AUTS2: variants seen among roughly 807,000 people sequenced by gnomAD.
The protein encoded by AUTS2 is activator of transcription and developmental regulator AUTS2.
AUTS2 carries 17 observed loss-of-function variants against 112.4 expected under a neutral mutation model. The ratio of observed to expected loss-of-function variants is 0.15; its 90% CI spans 0.10 to 0.23. The LOEUF is 0.23. Ranked by LOEUF, AUTS2 falls within the 10% of genes least tolerant of loss-of-function variation. AUTS2 has a pLI of 1.00. For missense variants in AUTS2, 1,510 were observed against 1,701.6 expected, an observed-to-expected ratio of 0.89 and a Z score of 1.98; for synonymous variants, 751 against 702.7, an observed-to-expected ratio of 1.07 and a Z score of -1.09.
chr7:70,106,646 G>T (rs1804781778), intron 2 of AUTS2, among the ~76,000 whole-genome samples: 1 of 152,140 alleles, frequency 6.6e-6, no homozygotes, highest in African/African-American at 2.4e-5. Flanking sequence ...CTTTAGCCCA[G>T]GAGTTCAAGG....
intron 4 of AUTS2, among the ~76,000 whole-genome samples, chr7:70,260,097 G>A (rs531152978): frequency 6.6e-5 from 10 of 152,116 alleles, no homozygotes; most frequent in Admixed American, 6.5e-5. Flanking sequence ...CAGGCGCGGT[G>A]GCTCACACCT....
intron 1 of AUTS2, among the ~76,000 whole-genome samples, chr7:69,792,944 C>A (rs910284977): frequency 1.6e-4 from 24 of 152,208 alleles, no homozygotes; most frequent in African/African-American, 5.3e-4. Context: ...TTCTCAGGGG[C>A]CGGGCTATTC....
intron 1 of AUTS2, among the ~76,000 whole-genome samples, chr7:69,725,165 G>C (rs1786446372): frequency 6.6e-6 from 1 of 152,244 alleles, no homozygotes; most frequent in East Asian, 1.9e-4. Flanking sequence ...CTTTGCTTTA[G>C]GGGAAAGGAG....
At chr7:70,476,572 A>G (rs1299954395) in intron 5 of AUTS2, among the ~76,000 whole-genome samples, 5 of 152,190 alleles carry the variant, frequency 3.3e-5, no homozygotes, top group African/African-American at 1.2e-4. Context: ...GCATAAAAGT[A>G]TGTGTATGTT....
chr7:69,763,565 C>T (rs754756929), intron 1 of AUTS2, among the ~76,000 whole-genome samples: 2 of 152,226 alleles, frequency 1.3e-5, no homozygotes, highest in African/African-American at 2.4e-5. Context: ...CATTAGATTT[C>T]AGGCAGACTA....
intron 1 of AUTS2, among the ~76,000 whole-genome samples, chr7:69,636,480 G>GCC (rs10652609): frequency 0.044 from 706 of 16,040 alleles, 98 homozygotes; most frequent in East Asian, 0.16. Context: ...AGTGATCCGC[G>GCC]CCCCCCCCCC....
intron 6 of AUTS2, among the ~76,000 whole-genome samples, chr7:70,741,017 C>G (rs1235684833): frequency 1.3e-5 from 2 of 151,702 alleles, no homozygotes; most frequent in Admixed American, 1.3e-4. Flanking sequence ...TTGCTTGAAC[C>G]TAGGAGGTGG....
intron 2 of AUTS2, among the ~76,000 whole-genome samples, chr7:70,046,440 A>G (rs1460675956): frequency 6.6e-6 from 1 of 152,210 alleles, no homozygotes; most frequent in Non-Finnish European, 1.5e-5. Context: ...TATTATAGTG[A>G]TAGATGTTAT....
At chr7:70,087,347 T>C (rs1359872091) in intron 2 of AUTS2, among the ~76,000 whole-genome samples, 1 of 151,318 alleles carries the variant, frequency 6.6e-6, no homozygotes, top group African/African-American at 2.4e-5. Flanking sequence ...ATAGTTGAAC[T>C]TAATTAGCCT....
intron 2 of AUTS2, among the ~76,000 whole-genome samples, chr7:69,939,109 A>G (rs1179538380): frequency 1.3e-5 from 2 of 152,192 alleles, no homozygotes; most frequent in Non-Finnish European, 2.9e-5. Flanking sequence ...CTATCACATC[A>G]TGTTATCTTT....
Position 70,063,388 on chromosome 7 carries a change from T to C in AUTS2, c.523-54744T>C, listed in dbSNP as rs577031602. ...CACATTTAACAGGATGTTATGTTGGTATACCAGAATGATGAAGAGCAAAAT... is the reference window on the plus strand; with the variant it reads ...CACATTTAACAGGATGTTATGTTGGCATACCAGAATGATGAAGAGCAAAAT... On this transcript the variant is annotated intron_variant, in intron 2 of 18. Coordinates refer to ENST00000342771, the MANE Select transcript of AUTS2 (RefSeq NM_015570.4). Among the ~76,000 whole-genome samples, 12 of 152,296 alleles carry C rather than the reference T, an allele frequency of 7.9e-5. No individual in the cohort carries two copies. The South Asian group carries it at 2.5e-3, about 32-fold the overall frequency.
chr7:70,160,074 A>G (rs1047541163), intron 4 of AUTS2, among the ~76,000 whole-genome samples: 7 of 152,154 alleles, frequency 4.6e-5, no homozygotes, highest in African/African-American at 1.7e-4. Flanking sequence ...TTCTGCATTT[A>G]TTAATCAAAG....
intron 5 of AUTS2, among the ~76,000 whole-genome samples, chr7:70,555,487 C>T (rs1254994233): frequency 6.6e-6 from 1 of 152,072 alleles, no homozygotes; most frequent in Non-Finnish European, 1.5e-5. Context: ...ACTTGGGAGC[C>T]TTTTTCCAGA....
chr7:69,985,923 T>C (rs1245864065), intron 2 of AUTS2, among the ~76,000 whole-genome samples: 1 of 152,140 alleles, frequency 6.6e-6, no homozygotes, highest in African/African-American at 2.4e-5. Flanking sequence ...GCTTAGCTAA[T>C]TCTTAAAAAA....
At chr7:69,636,824 G>A (rs1356464537) in intron 1 of AUTS2, among the ~76,000 whole-genome samples, 1 of 151,880 alleles carries the variant, frequency 6.6e-6, no homozygotes, top group African/African-American at 2.4e-5. Context: ...GGAGTACAGT[G>A]GCGCGATCTC....
At chr7:70,248,054 T>C (rs1236273180) in intron 4 of AUTS2, among the ~76,000 whole-genome samples, 2 of 152,194 alleles carry the variant, frequency 1.3e-5, no homozygotes, top group African/African-American at 4.8e-5. Flanking sequence ...AATCTGTAAT[T>C]CGGGGGTTAA....
intron 2 of AUTS2, among the ~76,000 whole-genome samples, chr7:70,063,745 C>G (rs571319832): frequency 6.6e-6 from 1 of 152,092 alleles, no homozygotes; most frequent in Non-Finnish European, 1.5e-5. Flanking sequence ...AAAAGAACAC[C>G]GCGAAAAGAG....
At chr7:70,491,095 AAAAGCTGTC>A (rs1454590995) in intron 5 of AUTS2, among the ~76,000 whole-genome samples, 2 of 152,202 alleles carry the variant, frequency 1.3e-5, no homozygotes, top group Non-Finnish European at 1.5e-5. Flanking sequence ...AGTGCAAAGA[AAAAGCTGTC>A]AAAGCTTAGT....
chr7:70,214,668 A>G (rs994054739), intron 4 of AUTS2, among the ~76,000 whole-genome samples: 12 of 152,140 alleles, frequency 7.9e-5, no homozygotes, highest in Non-Finnish European at 1.5e-4. Flanking sequence ...GTAGCGTGTC[A>G]CTAGTACCTT....
Sources: gnomAD v4.1 joint callset for allele counts (sites outside exome capture counted in the v4.1 genomes callset) on GRCh38, gnomAD v4.1.1 for gene constraint, MANE v1.5 for transcripts, NCBI Gene and HGNC (gene_info 2026-07-23, HGNC 2026-07-21) for gene names.